KDM4C: variants seen among roughly 807,000 people sequenced by gnomAD.
KDM4C encodes the protein lysine demethylase 4C.
In KDM4C, 81 loss-of-function variants were observed where a neutral mutation model predicts 129.3. The observed-to-expected ratio is 0.63, with a 90% CI of 0.52 to 0.75. KDM4C has a LOEUF of 0.75. KDM4C is among the 30% of genes least tolerant of loss of function. The probability of loss-of-function intolerance (pLI) is 0.00; values close to 1 mark genes in which losing one functional copy is unlikely to be tolerated. For synonymous variants in KDM4C, 573 were observed against 456.1 expected (o/e 1.26, Z -3.26); for missense variants, 1,457 against 1,304.0 (o/e 1.12, Z -1.81).
At chr9:7,050,327 C>A (rs1205381320) in intron 17 of KDM4C, among the ~76,000 whole-genome samples, 3 of 150,012 alleles carry the variant, frequency 2.0e-5, no homozygotes, top group Non-Finnish European at 4.4e-5. Context: ...AATGAGTGGG[C>A]CATTTAAATG....
At chr9:6,883,247 A>T (rs1000147374) in intron 6 of KDM4C, among the ~76,000 whole-genome samples, 4 of 152,190 alleles carry the variant, frequency 2.6e-5, no homozygotes, top group African/African-American at 9.7e-5. Flanking sequence ...CTGAAATATT[A>T]TATTGAAATG....
At chr9:6,882,803 T>TGC (rs1233741286) in intron 6 of KDM4C, among the ~76,000 whole-genome samples, 22 of 147,788 alleles carry the variant, frequency 1.5e-4, no homozygotes, top group African/African-American at 2.6e-4. Flanking sequence ...TGTGTGTGTG[T>TGC]GTGCGCGTGT....
At chr9:7,158,521 C>G (rs1466241793) in intron 19 of KDM4C, among the ~76,000 whole-genome samples, 1 of 151,996 alleles carries the variant, frequency 6.6e-6, no homozygotes, top group Non-Finnish European at 1.5e-5. Context: ...TAAATGTGTC[C>G]CAGAGATTCT....
At chr9:6,846,161 A>G (rs1056393836) in intron 4 of KDM4C, among the ~76,000 whole-genome samples, 1 of 152,202 alleles carries the variant, frequency 6.6e-6, no homozygotes. Flanking sequence ...CTGAGAGAAG[A>G]GGATGATATG....
intron 13 of KDM4C, 55 bp downstream of exon 13, chr9:7,011,934 C>T: frequency 7.0e-7 from 1 of 1,424,780 alleles, no homozygotes; most frequent in Non-Finnish European, 9.8e-7. Context: ...CATGTGACCA[C>T]ATACCACAAG....
At chr9:7,105,308 A>G (rs1202583033) in intron 18 of KDM4C, 1 of 377,028 alleles carries the variant, frequency 2.7e-6, no homozygotes, top group Non-Finnish European at 5.5e-6. Flanking sequence ...TTCTGCCAGT[A>G]ACAGATTGTG....
At chr9:6,995,083 G>C (rs576318454) in intron 12 of KDM4C, among the ~76,000 whole-genome samples, 1 of 151,892 alleles carries the variant, frequency 6.6e-6, no homozygotes, top group African/African-American at 2.4e-5. Context: ...CCACAACAAA[G>C]GAATGATGCA....
chr9:6,789,401 A>T (rs1385774098), intron 1 of KDM4C, among the ~76,000 whole-genome samples: 1 of 151,938 alleles, frequency 6.6e-6, no homozygotes, highest in Non-Finnish European at 1.5e-5. Context: ...TTGTATTTTT[A>T]GTAGAGACGG....
At chr9:6,951,012 C>A (rs1828047778) in intron 8 of KDM4C, among the ~76,000 whole-genome samples, 1 of 151,936 alleles carries the variant, frequency 6.6e-6, no homozygotes, top group African/African-American at 2.4e-5. Context: ...TTTATTCATT[C>A]TTTAACATTT....
At chr9:6,854,310 C>G (rs930054961) in intron 5 of KDM4C, among the ~76,000 whole-genome samples, 1 of 151,982 alleles carries the variant, frequency 6.6e-6, no homozygotes, top group East Asian at 1.9e-4. Flanking sequence ...GGGCGGATCA[C>G]CTGAGGTCAG....
chr9:7,037,620 G>A (rs936177632), intron 15 of KDM4C, among the ~76,000 whole-genome samples: 14 of 152,112 alleles, frequency 9.2e-5, no homozygotes, highest in African/African-American at 3.1e-4. Flanking sequence ...ATTGTTAAAA[G>A]GGGATTTTGT....
intron 1 of KDM4C, among the ~76,000 whole-genome samples, chr9:6,784,720 G>T (rs182488737): frequency 9.6e-4 from 146 of 152,276 alleles, no homozygotes; most frequent in African/African-American, 3.4e-3. Flanking sequence ...AAAGCTGCTT[G>T]GACTTGTGAG....
chr9:6,721,069 G>A (rs1816931033), intron 1 of KDM4C: 2 of 1,334,264 alleles, frequency 1.5e-6, no homozygotes, highest in African/African-American at 1.5e-5. Context: ...TTAAAGCAAT[G>A]TTAATTTCTT....
intron 1 of KDM4C, among the ~76,000 whole-genome samples, chr9:6,752,146 A>G (rs1818091565): frequency 6.7e-6 from 1 of 150,332 alleles, no homozygotes; most frequent in African/African-American, 2.5e-5. Context: ...ATCCTGGCTA[A>G]CACGGTGAAA....
intron 4 of KDM4C, among the ~76,000 whole-genome samples, chr9:6,834,225 A>G (rs1215189656): frequency 6.6e-6 from 1 of 151,960 alleles, no homozygotes; most frequent in Non-Finnish European, 1.5e-5. Flanking sequence ...TAGTAGAGGC[A>G]GGGTTTTGCC....
intron 1 of KDM4C, among the ~76,000 whole-genome samples, chr9:6,738,135 A>AAAACTAAGCTAAACTAAACT (rs1398432268): frequency 1.3e-3 from 182 of 142,302 alleles, no homozygotes; most frequent in African/African-American, 4.6e-3. Context: ...CTCCCTCTCA[A>AAAACTAAGCTAAACTAAACT]AAACTAAACT....
At chr9:6,726,300 T>A (rs989694626) in intron 1 of KDM4C, among the ~76,000 whole-genome samples, 1 of 152,212 alleles carries the variant, frequency 6.6e-6, no homozygotes, top group Non-Finnish European at 1.5e-5. Flanking sequence ...TCTATTTGTC[T>A]GAAGTGTAAA....
intron 17 of KDM4C, among the ~76,000 whole-genome samples, chr9:7,072,930 CTG>C (rs1369137487): frequency 6.6e-6 from 1 of 151,958 alleles, no homozygotes; most frequent in Admixed American, 6.6e-5. Context: ...AGTAGATTGA[CTG>C]TGGAAATGAC....
chr9:6,896,712 A>G (rs1318047409), intron 8 of KDM4C, among the ~76,000 whole-genome samples: 2 of 152,142 alleles, frequency 1.3e-5, no homozygotes. Flanking sequence ...GAGAAGTTCT[A>G]CTTATGGAGA....
Sources: gnomAD v4.1 joint callset for allele counts (sites outside exome capture counted in the v4.1 genomes callset) on GRCh38, gnomAD v4.1.1 for gene constraint, MANE v1.5 for transcripts, NCBI Gene and HGNC (gene_info 2026-07-23, HGNC 2026-07-21) for gene names.